The following CNTNAP2 variants were observed in gnomAD, a reference collection of about 807,000 sequenced individuals.
The protein encoded by CNTNAP2 is contactin associated protein 2, also known as contactin-associated protein-like 2.
Under a neutral mutation model 155.2 loss-of-function variants are expected in CNTNAP2, and 98 were observed. The observed-to-expected ratio is 0.63, with a 90% CI of 0.54 to 0.75. CNTNAP2 has a LOEUF of 0.75. Ranked by LOEUF, CNTNAP2 falls within the 30% of genes least tolerant of loss-of-function variation. The pLI is 0.00. For missense variants in CNTNAP2, 1,727 were observed against 1,688.1 expected, an observed-to-expected ratio of 1.02 and a Z score of -0.40; for synonymous variants, 651 against 631.2, an observed-to-expected ratio of 1.03 and a Z score of -0.47.
At chr7:148,303,407 G>A (rs974263548) in intron 21 of CNTNAP2, among the ~76,000 whole-genome samples, 6 of 152,260 alleles carry the variant, frequency 3.9e-5, no homozygotes, top group East Asian at 1.9e-4. Flanking sequence ...CAGCCAACAC[G>A]CCATGAGAGC....
intron 3 of CNTNAP2, among the ~76,000 whole-genome samples, chr7:147,022,612 T>TG (rs1798836808): frequency 6.6e-6 from 1 of 151,712 alleles, no homozygotes; most frequent in South Asian, 2.1e-4. Flanking sequence ...CACATGGTTT[T>TG]TTTTTTTTTA....
chr7:146,908,144 C>G (rs1488475880), intron 3 of CNTNAP2, among the ~76,000 whole-genome samples: 15 of 152,116 alleles, frequency 9.9e-5, no homozygotes, highest in African/African-American at 2.9e-4. Flanking sequence ...CACCCAGATT[C>G]ATAAAGCAAG....
intron 12 of CNTNAP2, among the ~76,000 whole-genome samples, chr7:147,581,386 G>T (rs1354822874): frequency 6.6e-6 from 1 of 152,150 alleles, no homozygotes; most frequent in Non-Finnish European, 1.5e-5. Flanking sequence ...TACCTTCATA[G>T]GAGAAACATT....
At chr7:146,197,913 G>A (rs1798799181) in intron 1 of CNTNAP2, among the ~76,000 whole-genome samples, 1 of 152,112 alleles carries the variant, frequency 6.6e-6, no homozygotes, top group Non-Finnish European at 1.5e-5. Context: ...GCATGGCTGG[G>A]TAGGTCGCAG....
chr7:146,801,238 A>G (rs529668965), intron 2 of CNTNAP2, among the ~76,000 whole-genome samples: 1 of 152,194 alleles, frequency 6.6e-6, no homozygotes, highest in East Asian at 1.9e-4. Context: ...GAACTAATAG[A>G]GTGAGAACTC....
chr7:146,578,364 A>C (rs1049602118), intron 1 of CNTNAP2, among the ~76,000 whole-genome samples: 4 of 152,114 alleles, frequency 2.6e-5, no homozygotes, highest in African/African-American at 9.7e-5. Flanking sequence ...CTTATTATAC[A>C]ATGTCTGTTG....
At chr7:147,352,092 G>A (rs568821147) in intron 9 of CNTNAP2, among the ~76,000 whole-genome samples, 1 of 151,876 alleles carries the variant, frequency 6.6e-6, no homozygotes, top group Non-Finnish European at 1.5e-5. Context: ...TGTTGCTTTA[G>A]GTTAATGTGT....
chr7:146,902,491 T>G (rs896146318), intron 3 of CNTNAP2, among the ~76,000 whole-genome samples: 1 of 152,196 alleles, frequency 6.6e-6, no homozygotes, highest in African/African-American at 2.4e-5. Context: ...ATGGCAAGTT[T>G]CCACCACATT....
At chr7:147,324,227 C>T (rs1161303238) in intron 9 of CNTNAP2, among the ~76,000 whole-genome samples, 1 of 152,060 alleles carries the variant, frequency 6.6e-6, no homozygotes, top group East Asian at 1.9e-4. Context: ...TTTTGTTTAT[C>T]CCAGTACACT....
At chr7:146,699,443 A>G (rs1800838406) in intron 1 of CNTNAP2, among the ~76,000 whole-genome samples, 1 of 152,078 alleles carries the variant, frequency 6.6e-6, no homozygotes, top group Non-Finnish European at 1.5e-5. Context: ...GAGGGAGGAT[A>G]GGCATTCTAC....
chr7:148,071,959 C>A (rs1057438735), intron 15 of CNTNAP2, among the ~76,000 whole-genome samples: 1 of 152,192 alleles, frequency 6.6e-6, no homozygotes, highest in Non-Finnish European at 1.5e-5. Context: ...ACTGACCCTG[C>A]GCTTCGTAGC....
intron 1 of CNTNAP2, among the ~76,000 whole-genome samples, chr7:146,332,638 G>A (rs2129094805): frequency 6.6e-6 from 1 of 152,284 alleles, no homozygotes; most frequent in East Asian, 1.9e-4. Flanking sequence ...ATCTATGAAA[G>A]TCAAAGTGAA....
chr7:148,368,614 A>G (rs1798826566), intron 21 of CNTNAP2, among the ~76,000 whole-genome samples: 1 of 152,230 alleles, frequency 6.6e-6, no homozygotes, highest in South Asian at 2.1e-4. Context: ...CAAAACTCAG[A>G]CACCAAGTTA....
intron 8 of CNTNAP2, among the ~76,000 whole-genome samples, chr7:147,239,143 T>A (rs902056001): frequency 1.3e-5 from 2 of 152,176 alleles, no homozygotes; most frequent in Admixed American, 1.3e-4. Flanking sequence ...AGTAGATAGA[T>A]GGTATGCAAA....
chr7:147,674,652 C>T (rs1795839770), intron 13 of CNTNAP2, among the ~76,000 whole-genome samples: 1 of 152,028 alleles, frequency 6.6e-6, no homozygotes, highest in African/African-American at 2.4e-5. Context: ...CAATAGAGAT[C>T]AAGAGATTAT....
chr7:147,415,214 T>G (rs1402179630), intron 10 of CNTNAP2, among the ~76,000 whole-genome samples: 1 of 152,324 alleles, frequency 6.6e-6, no homozygotes, highest in African/African-American at 2.4e-5. Context: ...TTCTCCCACC[T>G]TGGTCTGTCT....
Position 147,887,883 on chromosome 7 carries a change from A to G in CNTNAP2, c.2099-15682A>G, listed in dbSNP as rs189909095. Among the ~76,000 whole-genome samples the G allele has an allele frequency of 1.9e-3, 286 of 152,356 alleles. 1 individual carries two copies. Among genetic ancestry groups the G allele is most frequent in the African/African-American group, 6.5e-3 (271 of 41,586 alleles). ...CCTTGAAGCTATGTAATAGAAAGCC[A>G]GTTCTGATGCATGTTTACAGCCTAA... On this transcript the variant is annotated intron_variant, in intron 13 of 23. Coordinates refer to ENST00000361727, the MANE Select transcript of CNTNAP2 (RefSeq NM_014141.6).
At chr7:147,959,923 C>A (rs905446546) in intron 14 of CNTNAP2, among the ~76,000 whole-genome samples, 1 of 152,154 alleles carries the variant, frequency 6.6e-6, no homozygotes, top group African/African-American at 2.4e-5. Flanking sequence ...TTACCAATAA[C>A]TTGAAACCAT....
In CNTNAP2 at chr7:148,128,244, A is replaced by C. The variant is rs184285806; in HGVS notation, c.2554+9956A>C. Among the ~76,000 whole-genome samples, 28 of 152,290 alleles carry C rather than the reference A, an allele frequency of 1.8e-4. No individual in the cohort carries two copies. The East Asian group carries it at 5.0e-3, about 27-fold the overall frequency. ...ATTTAGGAAGAATTTTAGTGTTTCT[A>C]CTACTTTGCAAGTCTAATTATGGTT... On this transcript the variant is annotated intron_variant, in intron 16 of 23. Coordinates refer to ENST00000361727, the MANE Select transcript of CNTNAP2 (RefSeq NM_014141.6).
Sources: gnomAD v4.1 joint callset for allele counts (sites outside exome capture counted in the v4.1 genomes callset) on GRCh38, gnomAD v4.1.1 for gene constraint, MANE v1.5 for transcripts, NCBI Gene and HGNC (gene_info 2026-07-23, HGNC 2026-07-21) for gene names.